TBC1D22A: variants seen among roughly 807,000 people sequenced by gnomAD.
TBC1D22A encodes the protein TBC1 domain family member 22A.
Under a neutral mutation model 60.2 loss-of-function variants are expected in TBC1D22A, and 38 were observed. The observed-to-expected ratio is 0.63, with a 90% CI of 0.49 to 0.83. The LOEUF (loss-of-function observed/expected upper bound fraction) is 0.83. TBC1D22A is among the 40% of genes least tolerant of loss of function. The probability of loss-of-function intolerance (pLI) is 0.00; values close to 1 mark genes in which losing one functional copy is unlikely to be tolerated. For synonymous variants in TBC1D22A, 302 were observed against 281.7 expected, an observed-to-expected ratio of 1.07 and a Z score of -0.72; for missense variants, 628 against 701.0, an observed-to-expected ratio of 0.90 and a Z score of 1.18.
intron 12 of TBC1D22A, among the ~76,000 whole-genome samples, chr22:47,138,420 G>T (rs2066956745): frequency 6.6e-6 from 1 of 152,158 alleles, no homozygotes; most frequent in Non-Finnish European, 1.5e-5. Context: ...TGGGGGACAG[G>T]GAGGGCCGTG....
intron 7 of TBC1D22A, among the ~76,000 whole-genome samples, chr22:46,910,883 C>A (rs185567823): frequency 3.6e-4 from 54 of 148,376 alleles, no homozygotes; most frequent in African/African-American, 1.3e-3. Context: ...TTCCAGGCAG[C>A]GGTAGGAGTA....
chr22:47,044,282 C>T (rs959285820), intron 11 of TBC1D22A, among the ~76,000 whole-genome samples: 2 of 152,230 alleles, frequency 1.3e-5, no homozygotes, highest in Admixed American at 6.5e-5. Flanking sequence ...GCTGGCCACT[C>T]ACTTCCTCCA....
chr22:46,779,514 C>A (rs560061063), intron 1 of TBC1D22A, among the ~76,000 whole-genome samples: 5 of 152,310 alleles, frequency 3.3e-5, no homozygotes, highest in African/African-American at 1.2e-4. Flanking sequence ...CCGCCTCGGC[C>A]TCCCAAAGAG....
intron 5 of TBC1D22A, among the ~76,000 whole-genome samples, chr22:46,886,471 T>C (rs776723098): frequency 6.6e-6 from 1 of 152,202 alleles, no homozygotes; most frequent in Non-Finnish European, 1.5e-5. Context: ...GACACGCGTG[T>C]AACCAGGCGG....
chr22:46,998,660 G>A (rs955987162), intron 10 of TBC1D22A, among the ~76,000 whole-genome samples: 7 of 152,234 alleles, frequency 4.6e-5, no homozygotes, highest in African/African-American at 1.4e-4. Flanking sequence ...AAACTGCTGA[G>A]TGATATTCTA....
intron 11 of TBC1D22A, among the ~76,000 whole-genome samples, chr22:47,054,748 C>G (rs1041980750): frequency 2.6e-5 from 4 of 152,150 alleles, no homozygotes; most frequent in African/African-American, 9.7e-5. Flanking sequence ...GAGGGCTGTT[C>G]CTGGGCAGGT....
chr22:46,883,016 T>A (rs2067927719), intron 5 of TBC1D22A, among the ~76,000 whole-genome samples: 1 of 152,264 alleles, frequency 6.6e-6, no homozygotes, highest in Non-Finnish European at 1.5e-5. Context: ...GTAATACTAC[T>A]TAATGTTTAC....
chr22:46,792,407 C>T, intron 1 of TBC1D22A, 113 bp from the exon 2 acceptor site: 2 of 1,443,760 alleles, frequency 1.4e-6, no homozygotes, highest in Non-Finnish European at 9.7e-7. Flanking sequence ...CCATGAGGAG[C>T]TGCTTCCTTC....
chr22:47,093,573 C>T lies in TBC1D22A; in HGVS notation c.1330-17935C>T, dbSNP rs142489629. Among the ~76,000 whole-genome samples the T allele has an allele frequency of 8.3e-3, 1,264 of 152,148 alleles. 18 individuals are homozygous for T. Among genetic ancestry groups the T allele is most frequent in the African/African-American group, 0.029 (1,210 of 41,496 alleles). On this transcript the variant is annotated intron_variant, in intron 11 of 12. Transcript: ENST00000337137. ...CCTAGGAGTTCCCGGCTTCCCAGTG[C>T]ATGTTGATTTTTCATTAATAAATTG...
intron 11 of TBC1D22A, among the ~76,000 whole-genome samples, chr22:47,050,604 T>G (rs1212652725): frequency 6.6e-5 from 10 of 152,318 alleles, no homozygotes; most frequent in African/African-American, 2.4e-4. Flanking sequence ...AGGCGCCGCT[T>G]GGGCCCTGAC....
chr22:46,909,644 C>T (rs1286062879), intron 7 of TBC1D22A, among the ~76,000 whole-genome samples: 1 of 152,210 alleles, frequency 6.6e-6, no homozygotes, highest in Non-Finnish European at 1.5e-5. Flanking sequence ...TTCCTTCTTC[C>T]TTCTGTTGCT....
intron 12 of TBC1D22A, among the ~76,000 whole-genome samples, chr22:47,166,361 G>A (rs536240856): frequency 2.0e-5 from 3 of 152,318 alleles, no homozygotes; most frequent in African/African-American, 4.8e-5. Context: ...AAAGAGGCAG[G>A]TGTCATTAAT....
rs546242603 is a variant in TBC1D22A, at chr22:47,024,930, T to C, written c.1202-12141T>C. On this transcript the variant is annotated intron_variant, in intron 10 of 12. Transcript: ENST00000337137. ...AAAAATAAAATGGTGGGAAAAGATATTTCATGCTAACACCAATCTAAAGAA... is the reference window on the plus strand; with the variant it reads ...AAAAATAAAATGGTGGGAAAAGATACTTCATGCTAACACCAATCTAAAGAA... Among the ~76,000 whole-genome samples, 10 of 152,260 alleles carry C rather than the reference T, an allele frequency of 6.6e-5. No homozygotes were observed. The South Asian group carries it at 2.1e-3, about 32-fold the overall frequency.
At chr22:47,061,045 C>T (rs1466543620) in intron 11 of TBC1D22A, among the ~76,000 whole-genome samples, 6 of 152,128 alleles carry the variant, frequency 3.9e-5, no homozygotes, top group Middle Eastern at 6.4e-3. Flanking sequence ...GGTTGAGCCA[C>T]GCTGTCTTCC....
chr22:47,171,395 G>A (rs764386617), intron 12 of TBC1D22A, among the ~76,000 whole-genome samples: 1 of 152,114 alleles, frequency 6.6e-6, no homozygotes, highest in African/African-American at 2.4e-5. Flanking sequence ...TTCTGTTTGG[G>A]GTGGGAGGTA....
chr22:46,980,398 G>T (rs988136830), intron 9 of TBC1D22A, among the ~76,000 whole-genome samples: 1 of 152,328 alleles, frequency 6.6e-6, no homozygotes, highest in Non-Finnish European at 1.5e-5. Flanking sequence ...GGCCAGGATG[G>T]TCTCGATCTC....
intron 12 of TBC1D22A, among the ~76,000 whole-genome samples, chr22:47,137,616 C>A (rs1456038525): frequency 6.6e-6 from 1 of 152,270 alleles, no homozygotes; most frequent in East Asian, 1.9e-4. Context: ...AGCCTCTCCA[C>A]CACTGTCCCT....
intron 12 of TBC1D22A, among the ~76,000 whole-genome samples, chr22:47,138,546 C>T (rs936650487): frequency 6.6e-6 from 1 of 152,214 alleles, no homozygotes; most frequent in African/African-American, 2.4e-5. Context: ...TTGCCTCTTC[C>T]CTCCCCTGAG....
chr22:46,918,140 T>G (rs144086183), intron 8 of TBC1D22A, among the ~76,000 whole-genome samples: 1,708 of 152,338 alleles, frequency 0.011, 38 homozygotes, highest in African/African-American at 0.039. Context: ...TGGAACGCAG[T>G]AAGTGTCCAG....
Sources: gnomAD v4.1 joint callset for allele counts (sites outside exome capture counted in the v4.1 genomes callset) on GRCh38, gnomAD v4.1.1 for gene constraint, MANE v1.5 for transcripts, NCBI Gene and HGNC (gene_info 2026-07-23, HGNC 2026-07-21) for gene names.